PCF11: variants seen among roughly 807,000 people sequenced by gnomAD.
The protein encoded by PCF11 is pre-mRNA cleavage complex 2 protein Pcf11.
PCF11 carries 19 observed loss-of-function variants against 166.1 expected under a neutral mutation model. The observed-to-expected ratio is 0.11, with a 90% CI of 0.08 to 0.17. The LOEUF is 0.17. Among genes scored for constraint, PCF11 ranks in the 10% least tolerant of loss-of-function variants. The probability of loss-of-function intolerance (pLI) is 1.00; values close to 1 mark genes in which losing one functional copy is unlikely to be tolerated. For synonymous variants in PCF11, 663 were observed against 644.1 expected (o/e 1.03, Z -0.44); for missense variants, 1,565 against 1,855.5 (o/e 0.84, Z 2.88).
At chr11:83,177,340 T>G in intron 10 of PCF11, 136 bp downstream of exon 10, 1 of 691,328 alleles carries the variant, frequency 1.4e-6, no homozygotes, top group Non-Finnish European at 2.2e-6. Flanking sequence ...TATTTTTGAT[T>G]TTCGGTTTAT....
chr11:83,169,490 T>G (rs887981014), exon 8 of PCF11: 16 of 1,613,840 alleles, frequency 9.9e-6, no homozygotes, highest in Non-Finnish European at 1.4e-5. Context: ...TTGCCAAGAT[T>G]TGATGGATTA....
At chr11:83,168,492 A>C in exon 8 of PCF11, 1 of 1,613,584 alleles carries the variant, frequency 6.2e-7, no homozygotes, top group South Asian at 1.1e-5. Flanking sequence ...CTCGATATGA[A>C]GATTCAGATA....
chr11:83,167,753 G>A lies in PCF11; in HGVS notation c.2092+248G>A. Reference sequence around the variant, plus strand: ...CATCCAAAAGTAAACATGCAAGTAGGAATAGTGGAGCACAGTTTGACAGAA... The same window carrying A: ...CATCCAAAAGTAAACATGCAAGTAGAAATAGTGGAGCACAGTTTGACAGAA... On this transcript the variant is annotated intron_variant, in intron 7 of 15. Transcript: ENST00000298281. This position sits in a 1 kb window ranked among gnomAD's most constrained non-coding sequence, Gnocchi z 4.2. 1 of 1,447,696 alleles carries A rather than the reference G, an allele frequency of 6.9e-7. No individual in the cohort carries two copies. The allele number at this position is 1,447,696 out of a possible 1,614,324, so 89.7% of individuals were successfully genotyped here. A position where few individuals can be genotyped will look rare whatever the true frequency, so the allele number is the denominator to read the frequency against.
At chr11:83,157,379 G>C in exon 1 of PCF11, 1 of 1,457,054 alleles carries the variant, frequency 6.9e-7, no homozygotes, top group Non-Finnish European at 9.5e-7. Context: ...GAAGGGAGGC[G>C]GGGTATCCAG....
At chr11:83,177,633 CT>C in intron 10 of PCF11, 80 bp from the exon 11 acceptor site, 1 of 611,458 alleles carries the variant, frequency 1.6e-6, no homozygotes, top group Non-Finnish European at 2.7e-6. Context: ...TCTCTATTTG[CT>C]TATAATACTA....
At chr11:83,185,426 T>TA (rs1861251937) in exon 16 of PCF11, 1 of 150,958 alleles carries the variant, frequency 6.6e-6, no homozygotes, top group East Asian at 1.9e-4. Flanking sequence ...ATTTTAAAGA[T>TA]AAAATAGGAC....
chr11:83,168,691 C>T (rs1278769487), exon 8 of PCF11: 1 of 1,613,950 alleles, frequency 6.2e-7, no homozygotes, highest in South Asian at 1.1e-5. Context: ...ACCTCCCACA[C>T]CAGCTTCTCT....
At chr11:83,164,873 T>TC (rs1423888890) in intron 4 of PCF11, among the ~76,000 whole-genome samples, 1 of 152,096 alleles carries the variant, frequency 6.6e-6, no homozygotes, top group African/African-American at 2.4e-5. Flanking sequence ...AAGAAAACCC[T>TC]CCAAAAACTA....
intron 8 of PCF11, 45 bp downstream of exon 8, chr11:83,170,040 C>T (rs560326513): frequency 6.8e-7 from 1 of 1,468,896 alleles, no homozygotes; most frequent in East Asian, 2.3e-5. Context: ...GATAAGTTAA[C>T]CATTTTTTAA....
In PCF11 at chr11:83,167,425, G is replaced by A. The variant is rs771708258; in HGVS notation, c.2012G>A (p.Arg671His). 8 of 1,598,120 alleles carry A rather than the reference G, an allele frequency of 5.0e-6. No homozygotes were observed. The highest frequency in any genetic ancestry group is 2.2e-5 in the East Asian group (1 of 44,798). The change falls in exon 7 of 16, where the codon CGT becomes CAT. Residue 671 changes from arginine to histidine, a missense_variant. Arg to His is a conservative substitution (Grantham distance 29). This residue lies in a region of PCF11 where 26 missense variants were observed against 63.3 expected (regional missense o/e 0.41). Transcript: ENST00000298281. The surrounding 1 kb of genome is among the most constrained non-coding windows in gnomAD (Gnocchi z 4.2). ...ATCACCCCTATACAGACGAGTGAAC[G>A]TTTAGCATCTGGTGAAATTACACAG... is the stretch of plus-strand genomic sequence containing the variant.
intron 5 of PCF11, 81 bp downstream of exon 5, chr11:83,166,795 T>G: frequency 8.2e-7 from 1 of 1,217,106 alleles, no homozygotes; most frequent in Non-Finnish European, 1.2e-6. Flanking sequence ...TGGAAAATGT[T>G]TATTAGGTGC....
At chr11:83,186,041 T>C (rs1456902593) in exon 16 of PCF11, 2 of 152,262 alleles carry the variant, frequency 1.3e-5, no homozygotes, top group East Asian at 3.8e-4. Flanking sequence ...AATAACTACA[T>C]GGTAGATGGT....
intron 1 of PCF11, among the ~76,000 whole-genome samples, chr11:83,159,415 G>A (rs1221189212): frequency 6.6e-6 from 1 of 152,034 alleles, no homozygotes; most frequent in East Asian, 1.9e-4. Context: ...ATATTCCACA[G>A]CGCCTAATAT....
chr11:83,163,816 C>G, exon 3 of PCF11: 3 of 1,583,750 alleles, frequency 1.9e-6, no homozygotes, highest in African/African-American at 1.4e-5. Flanking sequence ...CTCTACCCCC[C>G]AATGTGAATA....
exon 16 of PCF11, chr11:83,187,019 A>G (rs961079479): frequency 6.6e-6 from 1 of 152,528 alleles, no homozygotes; most frequent in Non-Finnish European, 1.5e-5. Flanking sequence ...TGGGAAAACC[A>G]GCAATGGGAA....
At chr11:83,163,447 A>G (rs899033020) in intron 2 of PCF11, among the ~76,000 whole-genome samples, 3 of 152,112 alleles carry the variant, frequency 2.0e-5, no homozygotes, top group African/African-American at 7.2e-5. Flanking sequence ...CGTTTTGTAT[A>G]TAGAAAGGCT....
At chr11:83,165,967 T>C (rs1042459382) in exon 5 of PCF11, 48 of 1,601,556 alleles carry the variant, frequency 3.0e-5, no homozygotes, top group Non-Finnish European at 3.7e-5. Flanking sequence ...AAGAAAGAAC[T>C]TGACCAATTA....
At chr11:83,157,311 CG>C in exon 1 of PCF11, 1 of 761,704 alleles carries the variant, frequency 1.3e-6, no homozygotes, top group Non-Finnish European at 2.1e-6. Flanking sequence ...CCCCCCTCCG[CG>C]GTCAGCATGT....
chr11:83,167,356 T>C lies in PCF11; in HGVS notation c.2001+48T>C, dbSNP rs756291847. On this transcript the variant is annotated intron_variant, in intron 6 of 15. Transcript: ENST00000298281. This position sits in a 1 kb window ranked among gnomAD's most constrained non-coding sequence, Gnocchi z 4.2. ...TGTAGTCATCATTATCTATCGTCTA[T>C]TTTTTTGGTATTTTTTTATATTTAA... is the stretch of plus-strand genomic sequence containing the variant. 3.9e-6 allele frequency: 6 copies of C among 1,533,408 alleles called. No homozygotes were observed. Among genetic ancestry groups the C allele is most frequent in the Non-Finnish European group, 5.3e-6 (6 of 1,141,228 alleles). The allele number at this position is 1,533,408 out of a possible 1,614,324, so 95.0% of individuals were successfully genotyped here.
Sources: gnomAD v4.1 joint callset for allele counts (sites outside exome capture counted in the v4.1 genomes callset) on GRCh38, gnomAD v4.1.1 for gene constraint, gnomAD v4.1.1 regional missense constraint, Gnocchi (gnomAD v3.1) non-coding constraint, MANE v1.5 for transcripts, NCBI Gene and HGNC (gene_info 2026-07-23, HGNC 2026-07-21) for gene names.